TANC1: variants seen among roughly 807,000 people sequenced by gnomAD.
TANC1 encodes protein TANC1.
TANC1 carries 77 observed loss-of-function variants against 149.7 expected under a neutral mutation model. The ratio of observed to expected loss-of-function variants is 0.51; its 90% confidence interval spans 0.43 to 0.62. TANC1 has a LOEUF of 0.62. Among genes scored for constraint, TANC1 ranks in the 20% least tolerant of loss-of-function variants. The probability of loss-of-function intolerance (pLI) is 0.00; values close to 1 mark genes in which losing one functional copy is unlikely to be tolerated. For synonymous variants in TANC1, 854 were observed against 925.0 expected, an observed-to-expected ratio of 0.92 and a Z score of 1.39; for missense variants, 1,985 against 2,321.8, an observed-to-expected ratio of 0.85 and a Z score of 2.98.
chr2:159,110,487 A>T (rs576372366), intron 4 of TANC1, among the ~76,000 whole-genome samples: 1 of 152,132 alleles, frequency 6.6e-6, no homozygotes. Flanking sequence ...TGTTTCTTTA[A>T]ATTTTTTGAA....
In TANC1 at chr2:159,231,502, T is replaced by C. The variant is rs2060330421; in HGVS notation, c.*490T>C. ...ATATACATAAAAATTAAGTTCTGAGTGAGTTCTAGCTAAATATAAGTGCGA... is the reference window on the plus strand; with the variant it reads ...ATATACATAAAAATTAAGTTCTGAGCGAGTTCTAGCTAAATATAAGTGCGA... On this transcript the variant is annotated 3_prime_UTR_variant, in exon 27 of 27. Transcript: ENST00000263635. 1 of 155,922 alleles carries C rather than the reference T, an allele frequency of 6.4e-6. No homozygotes were observed. The highest frequency in any genetic ancestry group is 6.2e-5 in the Admixed American group (1 of 16,120). The allele number at this position is 155,922 out of a possible 1,614,324, so 9.7% of individuals were successfully genotyped here.
chr2:159,036,406 A>G (rs1202336573), intron 2 of TANC1, among the ~76,000 whole-genome samples: 1 of 152,174 alleles, frequency 6.6e-6, no homozygotes, highest in Non-Finnish European at 1.5e-5. Context: ...CGTGTGCACA[A>G]TGTGCAGGTT....
At chr2:159,205,463 C>A (rs1461413363) in intron 19 of TANC1, among the ~76,000 whole-genome samples, 1 of 152,212 alleles carries the variant, frequency 6.6e-6, no homozygotes, top group African/African-American at 2.4e-5. Flanking sequence ...CGATGGACTG[C>A]ATGTGAGAAG....
intron 7 of TANC1, among the ~76,000 whole-genome samples, chr2:159,158,947 T>A (rs192875907): frequency 3.3e-5 from 5 of 152,350 alleles, no homozygotes; most frequent in Admixed American, 3.3e-4. Context: ...AAGGTTCTGA[T>A]GAATTGTTTG....
At chr2:159,021,619 A>AAAAGAAAGAAAGAAAG (rs113106796) in intron 2 of TANC1, among the ~76,000 whole-genome samples, 1 of 152,054 alleles carries the variant, frequency 6.6e-6, no homozygotes, top group African/African-American at 2.4e-5. Flanking sequence ...ATCTCTTTAA[A>AAAAGAAAGAAAGAAAG]AAAGAAAGAA....
chr2:159,174,827 G>A (rs2055669024), intron 11 of TANC1, 126 bp from the exon 12 acceptor site: 7 of 767,248 alleles, frequency 9.1e-6, no homozygotes, highest in Non-Finnish European at 1.6e-5. Flanking sequence ...AAATGACCCA[G>A]TCTTGGGGAA....
chr2:159,223,010 A>G (rs373950361), intron 22 of TANC1, among the ~76,000 whole-genome samples: 2 of 152,312 alleles, frequency 1.3e-5, no homozygotes, highest in African/African-American at 2.4e-5. Flanking sequence ...GGTTCAAGCG[A>G]TTCTCCTGCC....
intron 1 of TANC1, among the ~76,000 whole-genome samples, chr2:158,971,682 T>G (rs764743952): frequency 1.3e-5 from 2 of 152,196 alleles, no homozygotes; most frequent in Non-Finnish European, 2.9e-5. Context: ...TGGGATTACC[T>G]TGCATCCCTA....
At position 159,097,767 on chromosome 2, in the gene TANC1, G is replaced by A. The variant is rs1199043646; in HGVS notation, c.192G>A (p.Leu64=). The change falls in exon 4 of 27, where the codon CTG becomes CTA. Residue 64 remains leucine, a synonymous_variant. Transcript: ENST00000263635. ...VSLAKGVSMS[L]PSSPLLPRQS... Reference sequence around the variant, plus strand: ...TGGCCAAAGGTGTCTCGATGTCTCTGCCTTCCTCACCTTTGCTGCCTCGAC... The same window carrying A: ...TGGCCAAAGGTGTCTCGATGTCTCTACCTTCCTCACCTTTGCTGCCTCGAC... 6.2e-7 allele frequency: 1 copy of A among 1,614,054 alleles called. No individual in the cohort carries two copies. Among genetic ancestry groups the A allele is most frequent in the East Asian group, 2.2e-5 (1 of 44,884 alleles).
intron 2 of TANC1, among the ~76,000 whole-genome samples, chr2:159,045,971 A>G (rs2041007289): frequency 6.6e-6 from 1 of 152,260 alleles, no homozygotes; most frequent in African/African-American, 2.4e-5. Flanking sequence ...ATGGCATTTT[A>G]CAATAGATTT....
chr2:159,209,143 T>C (rs2058824352), intron 19 of TANC1, among the ~76,000 whole-genome samples: 2 of 152,212 alleles, frequency 1.3e-5, no homozygotes, highest in African/African-American at 4.8e-5. Flanking sequence ...CGCCCCAGCC[T>C]GCAGAAGCTT....
chr2:159,224,735 GT>G lies in TANC1; in HGVS notation c.3811+372del, dbSNP rs1177452372. The G allele has an allele frequency of 5.0e-5, 10 of 198,954 alleles. No homozygotes were observed. In the East Asian group the frequency reaches 1.1e-3, roughly 22 times the overall value. The allele number at this position is 198,954 out of a possible 1,614,324, so 12.3% of individuals were successfully genotyped here. A position where few individuals can be genotyped will look rare whatever the true frequency, so the allele number is the denominator to read the frequency against. On this transcript the variant is annotated intron_variant, in intron 23 of 26. Coordinates refer to ENST00000263635, the MANE Select transcript of TANC1 (RefSeq NM_033394.3). Reference sequence around the variant, plus strand: ...CTGAGCCACTGTTCTAGAGCCACCAGTCAGCTGTGTGGGGAAATGGCCACCA... The same window carrying G: ...CTGAGCCACTGTTCTAGAGCCACCAGCAGCTGTGTGGGGAAATGGCCACCA...
chr2:159,084,139 A>G (rs1241887763), intron 3 of TANC1, among the ~76,000 whole-genome samples: 4 of 152,004 alleles, frequency 2.6e-5, no homozygotes, highest in Non-Finnish European at 5.9e-5. Context: ...AATCCCAGCT[A>G]CTCAGAAGGC....
intron 19 of TANC1, among the ~76,000 whole-genome samples, chr2:159,211,398 A>G (rs970028007): frequency 6.6e-6 from 1 of 151,882 alleles, no homozygotes; most frequent in Non-Finnish European, 1.5e-5. Flanking sequence ...TTTTTTCTCC[A>G]TCTTTGTATT....
chr2:159,151,546 A>G (rs1559353407), intron 7 of TANC1, among the ~76,000 whole-genome samples: 2 of 152,260 alleles, frequency 1.3e-5, no homozygotes, highest in Non-Finnish European at 2.9e-5. Flanking sequence ...CCACATTAAT[A>G]TGTAATCAAA....
At chr2:159,086,314 T>G (rs1043319766) in intron 3 of TANC1, among the ~76,000 whole-genome samples, 4 of 152,044 alleles carry the variant, frequency 2.6e-5, no homozygotes, top group Non-Finnish European at 5.9e-5. Flanking sequence ...TTGAAGCACC[T>G]AGGGTGAGGC....
intron 19 of TANC1, among the ~76,000 whole-genome samples, chr2:159,216,030 T>G (rs2059323689): frequency 6.6e-6 from 1 of 151,600 alleles, no homozygotes; most frequent in South Asian, 2.1e-4. Context: ...GGTTGCTGGG[T>G]GGGGAGATAC....
chr2:159,001,803 A>G lies in TANC1; in HGVS notation c.-16+614A>G, dbSNP rs1241473812. On this transcript the variant is annotated intron_variant, in intron 2 of 26. Coordinates refer to ENST00000263635, the MANE Select transcript of TANC1 (RefSeq NM_033394.3). The surrounding 1 kb of genome is among the most constrained non-coding windows in gnomAD (Gnocchi z 4.3). ...GGGCTGGGCTCAACCAGATCCTCAC[A>G]CTCCAAAGCCCTTGCTTGTAATTGT... Among the ~76,000 whole-genome samples, 1 of 152,080 alleles carries G rather than the reference A, an allele frequency of 6.6e-6. No homozygotes were observed. Among genetic ancestry groups the G allele is most frequent in the Non-Finnish European group, 1.5e-5 (1 of 68,020 alleles).
chr2:158,971,451 G>A (rs1209618805), intron 1 of TANC1, among the ~76,000 whole-genome samples: 1 of 151,990 alleles, frequency 6.6e-6, no homozygotes, highest in Non-Finnish European at 1.5e-5. Context: ...TACATTTACA[G>A]AAGCAAAATA....
Sources: gnomAD v4.1 joint callset for allele counts (sites outside exome capture counted in the v4.1 genomes callset) on GRCh38, gnomAD v4.1.1 for gene constraint, Gnocchi (gnomAD v3.1) non-coding constraint, MANE v1.5 for transcripts, NCBI Gene and HGNC (gene_info 2026-07-23, HGNC 2026-07-21) for gene names.